AGAP5: variants seen among roughly 807,000 people sequenced by gnomAD.
The protein encoded by AGAP5 is arf-GAP with GTPase, ANK repeat and PH domain-containing protein 5.
A neutral mutation model predicts 27.7 loss-of-function variants in AGAP5; 8 were observed. The ratio of observed to expected loss-of-function variants is 0.29; its 90% CI spans 0.17 to 0.52. The LOEUF (loss-of-function observed/expected upper bound fraction) is 0.52, where lower values mean the gene tolerates loss of function less well. Ranked by LOEUF, AGAP5 falls within the 20% of genes least tolerant of loss-of-function variation. The probability of loss-of-function intolerance (pLI) is 0.97; values close to 1 mark genes in which losing one functional copy is unlikely to be tolerated. For synonymous variants in AGAP5, 111 were observed against 338.0 expected (o/e 0.33, Z 7.37); for missense variants, 285 against 880.8 (o/e 0.32, Z 8.56).
Position 73,674,472 on chromosome 10 carries a change from G to C in AGAP5, c.*127C>G. On this transcript the variant is annotated 3_prime_UTR_variant, in exon 8 of 8. Coordinates refer to ENST00000374094, the MANE Select transcript of AGAP5 (RefSeq NM_001144000.4). Reference sequence around the variant, plus strand: ...AATCAACATTTTGTGTATTTACTTAGTTTATGAAAAGTACTGAAAATGCTA... The same window carrying C: ...AATCAACATTTTGTGTATTTACTTACTTTATGAAAAGTACTGAAAATGCTA... 6.3e-7 allele frequency: 1 copy of C among 1,588,810 alleles called. No homozygotes were observed. Among genetic ancestry groups the C allele is most frequent in the South Asian group, 1.1e-5 (1 of 87,232 alleles).
intron 4 of AGAP5, among the ~76,000 whole-genome samples, chr10:73,690,080 C>A (rs1204441310): frequency 6.6e-6 from 1 of 152,248 alleles, no homozygotes. Context: ...AGCCCCTCTT[C>A]CCGGCCACCA....
At chr10:73,689,164 T>A (rs865925378) in intron 4 of AGAP5, among the ~76,000 whole-genome samples, 6 of 152,238 alleles carry the variant, frequency 3.9e-5, no homozygotes, top group Non-Finnish European at 7.3e-5. Context: ...TGTTCGTATT[T>A]TTTTGGTGGA....
At chr10:73,677,525 A>G (rs1246433546) in intron 6 of AGAP5, among the ~76,000 whole-genome samples, 6 of 138,730 alleles carry the variant, frequency 4.3e-5, no homozygotes, top group African/African-American at 1.6e-4. Context: ...AGCAGGGATT[A>G]CAGGCACCTG....
Position 73,674,319 on chromosome 10 carries a change from A to G in AGAP5, c.*280T>C. 1.5e-6 allele frequency: 1 copy of G among 657,026 alleles called. No homozygotes were observed. 40.7% of individuals were successfully genotyped at this position (657,026 alleles called of 1,614,324 possible). ...ATTTATGAACTTTTTTTTCAAATAT[A>G]TTTTCACACATTTTATCTAAATACA... is the stretch of plus-strand genomic sequence containing the variant. On this transcript the variant is annotated 3_prime_UTR_variant, in exon 8 of 8. Transcript: ENST00000374094.
chr10:73,693,838 A>C (rs1409183398), intron 3 of AGAP5, among the ~76,000 whole-genome samples: 2 of 152,186 alleles, frequency 1.3e-5, no homozygotes, highest in African/African-American at 4.8e-5. Context: ...AGTAGGTGTT[A>C]AAGCCATGTT....
intron 5 of AGAP5, among the ~76,000 whole-genome samples, chr10:73,680,619 C>T (rs1165153504): frequency 6.9e-6 from 1 of 145,974 alleles, no homozygotes; most frequent in East Asian, 2.1e-4. Flanking sequence ...TGGAGTTTCG[C>T]TCTTGTTGCC....
Position 73,681,382 on chromosome 10 carries a change from T to C in AGAP5, c.498-1276A>G, listed in dbSNP as rs1200214206. Reference sequence around the variant, plus strand: ...AAGTGGAGATGGGAAGATACATGTATTTGCAGACTTGCATTTTGAAAAAAA... The same window carrying C: ...AAGTGGAGATGGGAAGATACATGTACTTGCAGACTTGCATTTTGAAAAAAA... On this transcript the variant is annotated intron_variant, in intron 5 of 7. Coordinates refer to ENST00000374094, the MANE Select transcript of AGAP5 (RefSeq NM_001144000.4). 8 of 985,306 alleles carry C rather than the reference T, an allele frequency of 8.1e-6. No homozygotes were observed. In the African/African-American group the frequency reaches 1.4e-4, roughly 17 times the overall value. 61.0% of individuals were successfully genotyped at this position (985,306 alleles called of 1,614,324 possible).
rs761863699 is a variant in AGAP5 at position 73,697,710 on chromosome 10, C to T, written c.46G>A (p.Glu16Lys). 3.1e-6 allele frequency: 5 copies of T among 1,598,144 alleles called. No individual in the cohort carries two copies. Among genetic ancestry groups the T allele is most frequent in the South Asian group, 2.2e-5 (2 of 91,004 alleles). The change falls in exon 1 of 8, where the codon GAG (glutamate) becomes AAG (lysine). Residue 16 changes from glutamate to lysine, a missense_variant. By Grantham distance (56) the Glu-to-Lys change is moderately conservative. Coordinates refer to ENST00000374094, the MANE Select transcript of AGAP5 (RefSeq NM_001144000.4). ...ACCGACCCCTGTTGCTGGTCAAACT[C>T]GAGGCTGACGCTAGGGTGCACACAA... The part of the protein sequence containing the change: ...TCCVHPSVSL[E>K]FDQQQGSVCP...
At chr10:73,689,447 C>T (rs1463641160) in intron 4 of AGAP5, among the ~76,000 whole-genome samples, 2 of 150,574 alleles carry the variant, frequency 1.3e-5, no homozygotes, top group Non-Finnish European at 3.0e-5. Context: ...CCTGGCCGCC[C>T]CATCGTCTGG....
intron 1 of AGAP5, 93 bp downstream of exon 1, chr10:73,697,440 G>C: frequency 1.3e-6 from 2 of 1,598,174 alleles, no homozygotes; most frequent in Middle Eastern, 2.2e-4. Flanking sequence ...CAAGCAGAAA[G>C]GAGCTCAAAG....
chr10:73,676,860 G>C (rs1188331639), intron 6 of AGAP5, 90 bp from the exon 7 acceptor site: 1 of 787,948 alleles, frequency 1.3e-6, no homozygotes, highest in Non-Finnish European at 2.1e-6. Flanking sequence ...GTGTGCTTTG[G>C]TGTTTACTTT....
chr10:73,697,926 C>A lies in AGAP5; in HGVS notation c.-171G>T. ...CACCATCCCTGGCCCCGGCCCCGGC[C>A]CCGGCTAGGGCTGCGGGTCAAGGCC... On this transcript the variant is annotated 5_prime_UTR_variant, in exon 1 of 8. Coordinates refer to ENST00000374094, the MANE Select transcript of AGAP5 (RefSeq NM_001144000.4). The A allele has an allele frequency of 1.3e-6, 2 of 1,528,456 alleles. No homozygotes were observed. Among genetic ancestry groups the A allele is most frequent in the Non-Finnish European group, 1.7e-6 (2 of 1,142,922 alleles). The allele number at this position is 1,528,456 out of a possible 1,614,324, so 94.7% of individuals were successfully genotyped here.
chr10:73,685,790 A>T (rs2082058663), intron 4 of AGAP5, among the ~76,000 whole-genome samples: 1 of 151,972 alleles, frequency 6.6e-6, no homozygotes, highest in South Asian at 2.1e-4. Context: ...TGACCTCATG[A>T]TCCGTCCGCC....
At chr10:73,697,459 G>T in intron 1 of AGAP5, 74 bp downstream of exon 1, 1 of 1,601,114 alleles carries the variant, frequency 6.2e-7, no homozygotes. Context: ...AGTGGGGGAT[G>T]CCGTAAAGGG....
chr10:73,677,773 C>T (rs2081992195), intron 6 of AGAP5, among the ~76,000 whole-genome samples: 1 of 151,932 alleles, frequency 6.6e-6, no homozygotes, highest in Non-Finnish European at 1.5e-5. Flanking sequence ...TCATTGCCTG[C>T]TTTTTCGTTG....
intron 3 of AGAP5, among the ~76,000 whole-genome samples, chr10:73,692,692 G>A (rs1414173194): frequency 2.3e-5 from 3 of 129,528 alleles, no homozygotes; most frequent in East Asian, 2.2e-4. Context: ...ACCTAGGCTC[G>A]AGTGCAGTGG....
Position 73,687,731 on chromosome 10 carries a change from A to G in AGAP5, c.396+4312T>C, listed in dbSNP as rs189798000. Among the ~76,000 whole-genome samples the G allele has an allele frequency of 3.7e-3, 561 of 152,328 alleles. 12 individuals carry two copies. Among genetic ancestry groups the G allele is most frequent in the South Asian group, 1.0e-3 (5 of 4,824 alleles). ...AACATAGGTCCTAAATTTGGATTAA[A>G]TATAATAGATTGACCACAAATTTAT... On this transcript the variant is annotated intron_variant, in intron 4 of 7. Coordinates refer to ENST00000374094, the MANE Select transcript of AGAP5 (RefSeq NM_001144000.4).
intron 4 of AGAP5, among the ~76,000 whole-genome samples, chr10:73,687,436 T>C (rs955714631): frequency 1.3e-5 from 2 of 152,206 alleles, no homozygotes; most frequent in African/African-American, 4.8e-5. Context: ...TATTTAACCT[T>C]TTTGTAGACA....
intron 4 of AGAP5, among the ~76,000 whole-genome samples, chr10:73,691,285 C>A (rs1724909222): frequency 6.6e-6 from 1 of 152,010 alleles, no homozygotes; most frequent in Admixed American, 6.6e-5. Flanking sequence ...ATAATATTTG[C>A]AGAGTCATAA....
Sources: gnomAD v4.1 joint callset for allele counts (sites outside exome capture counted in the v4.1 genomes callset) on GRCh38, gnomAD v4.1.1 for gene constraint, MANE v1.5 for transcripts, NCBI Gene and HGNC (gene_info 2026-07-23, HGNC 2026-07-21) for gene names.